Variants in COP1 observed in about 807,000 individuals in gnomAD.
The protein encoded by COP1 is COP1 E3 ubiquitin ligase, also known as E3 ubiquitin-protein ligase COP1.
In COP1, 24 loss-of-function variants were observed where a neutral mutation model predicts 101.3. The observed-to-expected ratio is 0.24, with a 90% CI of 0.17 to 0.33. COP1 has a LOEUF of 0.33. Among genes scored for constraint, COP1 ranks in the 10% least tolerant of loss-of-function variants. The probability of loss-of-function intolerance (pLI) is 1.00; values close to 1 mark genes in which losing one functional copy is unlikely to be tolerated. For synonymous variants in COP1, 347 were observed against 341.9 expected, an observed-to-expected ratio of 1.01 and a Z score of -0.17; for missense variants, 663 against 906.2, an observed-to-expected ratio of 0.73 and a Z score of 3.45.
chr1:175,976,190 T>A (rs1025142377), intron 18 of COP1, among the ~76,000 whole-genome samples: 15 of 151,664 alleles, frequency 9.9e-5, no homozygotes, highest in African/African-American at 3.4e-4. Flanking sequence ...GGGAAAGGTA[T>A]AACTATTTTA....
intron 11 of COP1, among the ~76,000 whole-genome samples, chr1:176,066,259 TC>T (rs1048103605): frequency 7.9e-5 from 12 of 152,118 alleles, no homozygotes; most frequent in Non-Finnish European, 1.6e-4. Flanking sequence ...TTTATGAACC[TC>T]CCTCACCTCT....
chr1:176,174,491 C>T (rs1439069263), intron 3 of COP1, among the ~76,000 whole-genome samples: 1 of 152,148 alleles, frequency 6.6e-6, no homozygotes, highest in Admixed American at 6.6e-5. Flanking sequence ...ATTTGTCATT[C>T]TAGCAGAAAA....
At chr1:176,176,140 AT>A in intron 2 of COP1, 133 bp from the exon 3 acceptor site, 1 of 562,604 alleles carries the variant, frequency 1.8e-6, no homozygotes, top group South Asian at 2.5e-5. Flanking sequence ...ATTTTTGCTT[AT>A]ATTTTTACAT....
intron 3 of COP1, among the ~76,000 whole-genome samples, chr1:176,174,956 G>T (rs1391816648): frequency 6.6e-6 from 1 of 151,994 alleles, no homozygotes; most frequent in Non-Finnish European, 1.5e-5. Flanking sequence ...TTCACAGTTG[G>T]TTCTGACTAG....
intron 12 of COP1, among the ~76,000 whole-genome samples, chr1:176,044,021 C>T (rs772026889): frequency 8.6e-5 from 13 of 152,018 alleles, no homozygotes; most frequent in Admixed American, 5.2e-4. Flanking sequence ...AAGTAATGAC[C>T]CTAACCACCT....
chr1:176,090,580 A>C (rs1388347899), intron 9 of COP1, among the ~76,000 whole-genome samples: 1 of 152,198 alleles, frequency 6.6e-6, no homozygotes, highest in Non-Finnish European at 1.5e-5. Flanking sequence ...GGCAGGGGGA[A>C]AGAGGAGGAC....
At position 176,203,285 on chromosome 1, in the gene COP1, C is replaced by T. The variant is rs569751531; in HGVS notation, c.407+3287G>A. ...CCGGGAGGCGGAGCTTGCAGTGAGCCGAGATCGCACCACTGCACTCCAGCC... is the reference window on the plus strand; with the variant it reads ...CCGGGAGGCGGAGCTTGCAGTGAGCTGAGATCGCACCACTGCACTCCAGCC... On this transcript the variant is annotated intron_variant, in intron 1 of 19. Transcript: ENST00000367669. Among the ~76,000 whole-genome samples the T allele has an allele frequency of 7.9e-4, 120 of 151,988 alleles. 1 individual carries two copies. The highest frequency in any genetic ancestry group is 1.0e-3 in the Non-Finnish European group (68 of 67,958).
rs541949118 is a variant in COP1, at chr1:176,031,530, A to G, written c.1613-3842T>C. 5.6e-4 allele frequency among the ~76,000 whole-genome samples: 85 copies of G among 152,336 alleles called. No homozygotes were observed. In the South Asian group the frequency reaches 6.8e-3, roughly 12 times the overall value. The stretch of plus-strand genomic sequence containing the variant: ...CTTCGAAAGAAAAAGTAAATTTAAA[A>G]GAAAATATCATCTTCTAGGTGAAGA... On this transcript the variant is annotated intron_variant, in intron 14 of 19. Coordinates refer to ENST00000367669, the MANE Select transcript of COP1 (RefSeq NM_022457.7).
intron 11 of COP1, among the ~76,000 whole-genome samples, chr1:176,071,982 T>G (rs1389883085): frequency 6.6e-6 from 1 of 152,206 alleles, no homozygotes; most frequent in Non-Finnish European, 1.5e-5. Context: ...GTAGAAGTTA[T>G]GAGGGTGGGA....
intron 18 of COP1, among the ~76,000 whole-genome samples, chr1:175,953,066 C>A (rs1034039174): frequency 6.6e-6 from 1 of 151,894 alleles, no homozygotes; most frequent in Non-Finnish European, 1.5e-5. Context: ...GATTATAACA[C>A]AAACACAAGT....
intron 15 of COP1, among the ~76,000 whole-genome samples, chr1:176,020,374 A>T (rs1234115581): frequency 6.6e-6 from 1 of 151,774 alleles, no homozygotes; most frequent in South Asian, 2.1e-4. Flanking sequence ...GTTTATACAT[A>T]GATATTAGTG....
chr1:176,004,258 CGAT>C (rs1662525096), intron 15 of COP1, among the ~76,000 whole-genome samples: 1 of 146,920 alleles, frequency 6.8e-6, no homozygotes, highest in African/African-American at 2.5e-5. Flanking sequence ...TGGGCTGAGA[CGAT>C]GGGGTTTTCT....
chr1:175,950,838 C>G (rs1340728807), intron 18 of COP1, among the ~76,000 whole-genome samples: 1 of 152,192 alleles, frequency 6.6e-6, no homozygotes, highest in Non-Finnish European at 1.5e-5. Context: ...TGATACTACA[C>G]TAACTTATAC....
chr1:176,066,230 C>A (rs1675938678), intron 11 of COP1, among the ~76,000 whole-genome samples: 1 of 152,166 alleles, frequency 6.6e-6, no homozygotes, highest in African/African-American at 2.4e-5. Context: ...CTAGCCATTT[C>A]TTTGGGGTTC....
At chr1:176,113,141 T>G (rs992322157) in intron 9 of COP1, among the ~76,000 whole-genome samples, 7 of 152,182 alleles carry the variant, frequency 4.6e-5, no homozygotes, top group African/African-American at 1.7e-4. Context: ...TTTTTCATAA[T>G]GGCTGTACGA....
chr1:176,178,291 T>C (rs541443157), intron 2 of COP1, among the ~76,000 whole-genome samples: 1 of 151,944 alleles, frequency 6.6e-6, no homozygotes, highest in Admixed American at 6.6e-5. Flanking sequence ...AATTTAACTC[T>C]TTTTTTAAAT....
chr1:175,962,748 C>T (rs537712433), intron 18 of COP1, among the ~76,000 whole-genome samples: 16 of 152,272 alleles, frequency 1.1e-4, no homozygotes, highest in African/African-American at 3.9e-4. Context: ...TCAGCCATCT[C>T]TCACCGCACC....
chr1:176,113,981 G>GT (rs1199631910), intron 9 of COP1, among the ~76,000 whole-genome samples: 5 of 144,978 alleles, frequency 3.4e-5, no homozygotes, highest in African/African-American at 1.3e-4. Flanking sequence ...CAGTGACCTT[G>GT]TTTTTTAAAC....
chr1:176,169,480 C>T (rs914805096), intron 3 of COP1, among the ~76,000 whole-genome samples: 16 of 152,138 alleles, frequency 1.1e-4, no homozygotes, highest in African/African-American at 3.6e-4. Flanking sequence ...ATCGCAGGTT[C>T]GGTTCTAGGC....
Sources: gnomAD v4.1 joint callset for allele counts (sites outside exome capture counted in the v4.1 genomes callset) on GRCh38, gnomAD v4.1.1 for gene constraint, MANE v1.5 for transcripts, NCBI Gene and HGNC (gene_info 2026-07-23, HGNC 2026-07-21) for gene names.